The following FNDC4 variants were observed in gnomAD, a reference collection of about 807,000 sequenced individuals.
FNDC4 encodes the protein fibronectin type III domain-containing protein 4.
Under a neutral mutation model 25.1 loss-of-function variants are expected in FNDC4, and 11 were observed. That is an observed-to-expected ratio of 0.44 (90% CI 0.28 to 0.73). FNDC4 has a LOEUF of 0.73. FNDC4 is among the 30% of genes least tolerant of loss of function. The probability of loss-of-function intolerance (pLI) is 0.16; values close to 1 mark genes in which losing one functional copy is unlikely to be tolerated. For synonymous variants in FNDC4, 136 were observed against 118.8 expected, an observed-to-expected ratio of 1.14 and a Z score of -0.94; for missense variants, 250 against 304.3, an observed-to-expected ratio of 0.82 and a Z score of 1.33.
Position 27,494,605 on chromosome 2 carries a change from T to G in FNDC4, c.75A>C (p.Pro25=), listed in dbSNP as rs754401374. Residue 25 remains proline, a synonymous_variant, in exon 2 of 7, where the codon CCA becomes CCC. Transcript: ENST00000264703. This position sits in a 1 kb window ranked among gnomAD's most constrained non-coding sequence, Gnocchi z 4.6. ...GDMASLVPLS[P]YLSPTVLLLV... is the part of the protein sequence containing the mutation. ...GCAGGAGGACCGTGGGGCTTAGATA[T>G]GGGGAAAGGGGCACCAGCGAAGCCA... 1.4e-5 allele frequency: 22 copies of G among 1,611,346 alleles called. No homozygotes were observed. Among genetic ancestry groups the G allele is most frequent in the Non-Finnish European group, 1.9e-5 (22 of 1,178,948 alleles).
intron 5 of FNDC4, 90 bp downstream of exon 5, chr2:27,493,299 A>G: frequency 2.8e-6 from 3 of 1,055,428 alleles, no homozygotes; most frequent in Non-Finnish European, 4.4e-6. Context: ...GGCGTGAGCC[A>G]CTGTATCTCT....
chr2:27,493,557 G>A (rs1180401511), intron 4 of FNDC4, 79 bp from the exon 5 acceptor site: 2 of 1,135,152 alleles, frequency 1.8e-6, no homozygotes, highest in Non-Finnish European at 2.7e-6. Flanking sequence ...AGATGCTGGG[G>A]ATTAGAAAGG....
Position 27,492,389 on chromosome 2 carries a change from C to T in FNDC4, c.*54G>A, listed in dbSNP as rs1445753017. 17 of 1,611,958 alleles carry T rather than the reference C, an allele frequency of 1.1e-5. No homozygotes were observed. Among genetic ancestry groups the T allele is most frequent in the Non-Finnish European group, 1.4e-5 (17 of 1,178,172 alleles). On this transcript the variant is annotated 3_prime_UTR_variant, in exon 7 of 7. Transcript: ENST00000264703. The surrounding 1 kb of genome is among the most constrained non-coding windows in gnomAD (Gnocchi z 4.1). ...ATCACCATCTTGGGCTCCCCCTGACCCCATCCCTATCCCCAGTTGTTAGTG... is the reference window on the plus strand; with the variant it reads ...ATCACCATCTTGGGCTCCCCCTGACTCCATCCCTATCCCCAGTTGTTAGTG...
intron 4 of FNDC4, among the ~76,000 whole-genome samples, 153 bp downstream of exon 4, chr2:27,493,777 C>T (rs1669313506): frequency 6.6e-6 from 1 of 152,232 alleles, no homozygotes; most frequent in South Asian, 2.1e-4. Context: ...TATACCCAAT[C>T]CCCTTCCCAC....
rs566386341 is a variant in FNDC4 at position 27,494,470 on chromosome 2, C to T, written c.134-4G>A. On this transcript the variant is annotated splice_region_variant and splice_polypyrimidine_tract_variant and intron_variant, in intron 2 of 6. Transcript: ENST00000264703. This position sits in a 1 kb window ranked among gnomAD's most constrained non-coding sequence, Gnocchi z 4.6. ...TTCACAGGAGAGGGAGGCCGGTCTG[C>T]GGGAGCCAGGGTGTTTAACAGGTTT... 6.2e-7 allele frequency: 1 copy of T among 1,613,876 alleles called. No homozygotes were observed. The highest frequency in any genetic ancestry group is 1.1e-5 in the South Asian group (1 of 91,044).
Position 27,492,474 on chromosome 2 carries a change from T to G in FNDC4, c.674A>C (p.Lys225Thr). 6.2e-7 allele frequency: 1 copy of G among 1,613,980 alleles called. No individual in the cohort carries two copies. The change falls in exon 7 of 7, where the codon AAG (lysine) becomes ACG (threonine). Residue 225 changes from lysine (K) to threonine (T), a missense_variant. Lys to Thr is a moderately conservative substitution (Grantham distance 78). Coordinates refer to ENST00000264703, the MANE Select transcript of FNDC4 (RefSeq NM_022823.3). This position sits in a 1 kb window ranked among gnomAD's most constrained non-coding sequence, Gnocchi z 4.1. ...GTCGATGGTGTTGATAGATGGTGACTTTTTCTGTGAAAGAAAATGGCCTGA... is the reference window on the plus strand; with the variant it reads ...GTCGATGGTGTTGATAGATGGTGACGTTTTCTGTGAAAGAAAATGGCCTGA... ...QGRPVGTRQK[K>T]SPSINTIDV
chr2:27,494,770 GC>G lies in FNDC4; in HGVS notation c.-24-68del. 1 of 675,806 alleles carries G rather than the reference GC, an allele frequency of 1.5e-6. No homozygotes were observed. Among genetic ancestry groups the G allele is most frequent in the Non-Finnish European group, 2.5e-6 (1 of 403,552 alleles). The allele number at this position is 675,806 out of a possible 1,614,324, so 41.9% of individuals were successfully genotyped here. A position where few individuals can be genotyped will look rare whatever the true frequency, so the allele number is the denominator to read the frequency against. On this transcript the variant is annotated intron_variant, in intron 1 of 6. Transcript: ENST00000264703. This position sits in a 1 kb window ranked among gnomAD's most constrained non-coding sequence, Gnocchi z 4.6. ...AACGCACGGAGGTCGGGGGGCAGCA[GC>G]TCTCCTGGGCTCCCCACAGCTCACA...
rs571041017 is a variant in FNDC4, at chr2:27,493,606, G to A, written c.455-128C>T. On this transcript the variant is annotated intron_variant, in intron 4 of 6. Transcript: ENST00000264703. Reference sequence around the variant, plus strand: ...AATGTTGCCCTTGGAGTGTAGGGTAGCCCCTCCCTGGGAGGAAGCCGTTGG... The same window carrying A: ...AATGTTGCCCTTGGAGTGTAGGGTAACCCCTCCCTGGGAGGAAGCCGTTGG... The A allele has an allele frequency of 9.6e-6, 8 of 834,312 alleles. No homozygotes were observed. In the East Asian group the frequency reaches 1.7e-4, roughly 18 times the overall value. The allele number at this position is 834,312 out of a possible 1,614,324, so 51.7% of individuals were successfully genotyped here. A position where few individuals can be genotyped will look rare whatever the true frequency, so the allele number is the denominator to read the frequency against.
In FNDC4 at chr2:27,495,068, G is replaced by A. The variant is rs529500701; in HGVS notation, c.-215C>T. 8.4e-5 allele frequency: 13 copies of A among 154,940 alleles called. No homozygotes were observed. Among genetic ancestry groups the A allele is most frequent in the African/African-American group, 2.2e-4 (9 of 41,606 alleles). 9.6% of individuals were successfully genotyped at this position (154,940 alleles called of 1,614,324 possible). Reference sequence around the variant, plus strand: ...AGCCCCCAGGGCTCGAGCGGGCCACGGAGTCTGTCCGGGAGCAGGGGGCGT... The same window carrying A: ...AGCCCCCAGGGCTCGAGCGGGCCACAGAGTCTGTCCGGGAGCAGGGGGCGT... On this transcript the variant is annotated 5_prime_UTR_variant, in exon 1 of 7. Transcript: ENST00000264703.
chr2:27,492,624 G>A lies in FNDC4; in HGVS notation c.669+42C>T, dbSNP rs374384935. On this transcript the variant is annotated intron_variant, in intron 6 of 6. Transcript: ENST00000264703. The surrounding 1 kb of genome is among the most constrained non-coding windows in gnomAD (Gnocchi z 4.1). ...CTTCCTTTCCCTGGCTGCCCCTCAG[G>A]GGCAGAATCACCCTTTCCGCCCTCA... 6.2e-7 allele frequency: 1 copy of A among 1,613,238 alleles called. No individual in the cohort carries two copies. Among genetic ancestry groups the A allele is most frequent in the South Asian group, 1.1e-5 (1 of 91,056 alleles).
At position 27,492,259 on chromosome 2, in the gene FNDC4, AGAC is replaced by A; in HGVS notation, c.*181_*183del. Reference sequence around the variant, plus strand: ...ATCCACTCCCCAGGTCCAGGGGCACAGACTCTGAACAGACCTACCTTCTGGCTC... The same window carrying A: ...ATCCACTCCCCAGGTCCAGGGGCACATCTGAACAGACCTACCTTCTGGCTC... On this transcript the variant is annotated 3_prime_UTR_variant, in exon 7 of 7. Transcript: ENST00000264703. This position sits in a 1 kb window ranked among gnomAD's most constrained non-coding sequence, Gnocchi z 4.1. 1 of 695,164 alleles carries A rather than the reference AGAC, an allele frequency of 1.4e-6. No homozygotes were observed. Among genetic ancestry groups the A allele is most frequent in the East Asian group, 2.6e-5 (1 of 38,376 alleles). The allele number at this position is 695,164 out of a possible 1,614,324, so 43.1% of individuals were successfully genotyped here. A position where few individuals can be genotyped will look rare whatever the true frequency, so the allele number is the denominator to read the frequency against.
Position 27,494,949 on chromosome 2 carries a change from C to A in FNDC4, c.-96G>T. 1 of 327,494 alleles carries A rather than the reference C, an allele frequency of 3.1e-6. No individual in the cohort carries two copies. The highest frequency in any genetic ancestry group is 5.5e-5 in the East Asian group (1 of 18,270). The allele number at this position is 327,494 out of a possible 1,614,324, so 20.3% of individuals were successfully genotyped here. A position where few individuals can be genotyped will look rare whatever the true frequency, so the allele number is the denominator to read the frequency against. ...GCCCAGAGGGCGGCCCATCGCCCGACTCGGTGGCGCTGCCCCTACCCCATC... is the reference window on the plus strand; with the variant it reads ...GCCCAGAGGGCGGCCCATCGCCCGAATCGGTGGCGCTGCCCCTACCCCATC... On this transcript the variant is annotated 5_prime_UTR_variant, in exon 1 of 7. Transcript: ENST00000264703. This position sits in a 1 kb window ranked among gnomAD's most constrained non-coding sequence, Gnocchi z 4.6.
chr2:27,494,056 C>T lies in FNDC4; in HGVS notation c.328G>A (p.Glu110Lys). The T allele has an allele frequency of 6.2e-7, 1 of 1,614,226 alleles. No individual in the cohort carries two copies. Among genetic ancestry groups the T allele is most frequent in the Non-Finnish European group, 8.5e-7 (1 of 1,180,028 alleles). The change falls in exon 4 of 7, where the codon GAA (glutamate) becomes AAA (lysine). Residue 110 changes from glutamate to lysine, a missense_variant. Physicochemically the swap from Glu to Lys is moderately conservative, Grantham distance 56. Coordinates refer to ENST00000264703, the MANE Select transcript of FNDC4 (RefSeq NM_022823.3). This position sits in a 1 kb window ranked among gnomAD's most constrained non-coding sequence, Gnocchi z 4.6. The part of the protein sequence containing the change: ...TRACALWGLA[E>K]DSDYTVQVRS... ...ACCTGCACTGTGTAGTCACTGTCTT[C>T]AGCCAGGCCCCAGAGGGCACAGGCC...
chr2:27,493,880 G>C lies in FNDC4; in HGVS notation c.454+50C>G. The C allele has an allele frequency of 1.9e-6, 3 of 1,547,490 alleles. No homozygotes were observed. In the South Asian group the frequency reaches 3.4e-5, roughly 17 times the overall value. On this transcript the variant is annotated intron_variant, in intron 4 of 6. Coordinates refer to ENST00000264703, the MANE Select transcript of FNDC4 (RefSeq NM_022823.3). ...GCTTGTCTTGGGGAAGTAAGTAAGAGGCTGCAAGCCAGGTAAGCAGCCAGA... is the reference window on the plus strand; with the variant it reads ...GCTTGTCTTGGGGAAGTAAGTAAGACGCTGCAAGCCAGGTAAGCAGCCAGA...
rs760530906 is a variant in FNDC4, at chr2:27,492,828, C to T, written c.545-38G>A. The T allele has an allele frequency of 6.2e-7, 1 of 1,612,472 alleles. No individual in the cohort carries two copies. The highest frequency in any genetic ancestry group is 1.1e-5 in the South Asian group (1 of 91,070). ...ACAGTCTGAGCCTTCATCTCCACTT[C>T]CCCCCTCATAGGGAGATACCTACGT... On this transcript the variant is annotated intron_variant, in intron 5 of 6. Transcript: ENST00000264703. This position sits in a 1 kb window ranked among gnomAD's most constrained non-coding sequence, Gnocchi z 4.1.
Position 27,492,843 on chromosome 2 carries a change from G to A in FNDC4, c.545-53C>T, listed in dbSNP as rs2148573775. On this transcript the variant is annotated intron_variant, in intron 5 of 6. Coordinates refer to ENST00000264703, the MANE Select transcript of FNDC4 (RefSeq NM_022823.3). The surrounding 1 kb of genome is among the most constrained non-coding windows in gnomAD (Gnocchi z 4.1). The stretch of plus-strand genomic sequence containing the variant: ...ATCTCCACTTCCCCCCTCATAGGGA[G>A]ATACCTACGTAGCTTCTAGAAAATC... The A allele has an allele frequency of 6.2e-7, 1 of 1,608,138 alleles. No individual in the cohort carries two copies. Among genetic ancestry groups the A allele is most frequent in the East Asian group, 2.2e-5 (1 of 44,852 alleles).
Position 27,492,880 on chromosome 2 carries a change from T to C in FNDC4, c.545-90A>G, listed in dbSNP as rs769541983. On this transcript the variant is annotated intron_variant, in intron 5 of 6. Transcript: ENST00000264703. This position sits in a 1 kb window ranked among gnomAD's most constrained non-coding sequence, Gnocchi z 4.1. ...GCTTCTAGAAAATCCATGAAGAACA[T>C]CCTGAATTCCTGGTGCCCATGCAGT... The C allele has an allele frequency of 6.8e-7, 1 of 1,475,230 alleles. No individual in the cohort carries two copies. Among genetic ancestry groups the C allele is most frequent in the Non-Finnish European group, 9.4e-7 (1 of 1,069,102 alleles). The allele number at this position is 1,475,230 out of a possible 1,614,324, so 91.4% of individuals were successfully genotyped here.
chr2:27,495,009 C>T lies in FNDC4; in HGVS notation c.-156G>A, dbSNP rs1669352701. The T allele has an allele frequency of 5.5e-6, 1 of 180,792 alleles. No individual in the cohort carries two copies. The highest frequency in any genetic ancestry group is 6.3e-5 in the Admixed American group (1 of 15,936). The allele number at this position is 180,792 out of a possible 1,614,324, so 11.2% of individuals were successfully genotyped here. A position where few individuals can be genotyped will look rare whatever the true frequency, so the allele number is the denominator to read the frequency against. ...GCCCGGCGACGCGGGCAGCGCGGGG[C>T]CGAGCTGCGGGCGGAGCGGGCGCGG... is the stretch of plus-strand genomic sequence containing the variant. On this transcript the variant is annotated 5_prime_UTR_variant, in exon 1 of 7. Coordinates refer to ENST00000264703, the MANE Select transcript of FNDC4 (RefSeq NM_022823.3).
Position 27,494,676 on chromosome 2 carries a change from G to C in FNDC4, c.4C>G (p.Pro2Ala). Reference protein sequence around the residue: MPSGCHSSPPSG... With the variant: MASGCHSSPPSG... ...GGGGGGGAACTGTGGCATCCGCTTG[G>C]CATCCGCTTGACATCCAGGCGGGGC... The change falls in exon 2 of 7, where the codon CCA (proline) becomes GCA (alanine). Residue 2 changes from proline to alanine, a missense_variant. By Grantham distance (27) the Pro-to-Ala change is conservative (BLOSUM62 -1). Transcript: ENST00000264703. The surrounding 1 kb of genome is among the most constrained non-coding windows in gnomAD (Gnocchi z 4.6). 6.5e-7 allele frequency: 1 copy of C among 1,546,058 alleles called. No homozygotes were observed. Among genetic ancestry groups the C allele is most frequent in the Non-Finnish European group, 8.7e-7 (1 of 1,148,380 alleles).
Sources: allele counts gnomAD v4.1 joint callset (sites outside exome capture counted in the v4.1 genomes callset), GRCh38; gene constraint gnomAD v4.1.1; non-coding constraint Gnocchi (gnomAD v3.1); transcripts MANE v1.5; gene names NCBI Gene and HGNC (gene_info 2026-07-23, HGNC 2026-07-21).